Variants in TIAM2 observed in about 807,000 individuals in gnomAD.
TIAM2 encodes TIAM Rac1 associated GEF 2.
Under a neutral mutation model 152.9 loss-of-function variants are expected in TIAM2, and 80 were observed. The observed-to-expected ratio is 0.52, with a 90% CI of 0.44 to 0.63. The LOEUF is 0.63. Ranked by LOEUF, TIAM2 falls within the 30% of genes least tolerant of loss-of-function variation. The pLI, the probability that TIAM2 is intolerant of heterozygous loss-of-function variation, is 0.00. For missense variants in TIAM2, 1,965 were observed against 2,120.1 expected (o/e 0.93, Z 1.44); for synonymous variants, 804 against 838.0 (o/e 0.96, Z 0.70).
chr6:155,042,053 G>T (rs1339215030), intron 1 of TIAM2, among the ~76,000 whole-genome samples: 7 of 151,650 alleles, frequency 4.6e-5, no homozygotes, highest in Admixed American at 3.9e-4. Context: ...TTGAGTGTTT[G>T]TTCTTTATGG....
intron 1 of TIAM2, among the ~76,000 whole-genome samples, chr6:155,049,565 G>A (rs1295458437): frequency 8.5e-5 from 13 of 152,068 alleles, no homozygotes; most frequent in Admixed American, 8.5e-4. Flanking sequence ...CTAAGTCTTG[G>A]CGTGCCTGCT....
intron 15 of TIAM2, among the ~76,000 whole-genome samples, chr6:155,216,140 G>A (rs1164278659): frequency 6.6e-6 from 1 of 152,148 alleles, no homozygotes; most frequent in East Asian, 1.9e-4. Flanking sequence ...GATGTGGGAG[G>A]TGTCTGGTGA....
intron 19 of TIAM2, 24 bp downstream of exon 19, chr6:155,245,755 GTTTTTT>G: frequency 2.0e-6 from 2 of 1,022,126 alleles, no homozygotes; most frequent in South Asian, 3.4e-5. Flanking sequence ...GCCTTTTATA[GTTTTTT>G]TTTTTTTTTG....
At chr6:155,233,276 T>A (rs1782572493) in intron 15 of TIAM2, among the ~76,000 whole-genome samples, 1 of 152,170 alleles carries the variant, frequency 6.6e-6, no homozygotes, top group South Asian at 2.1e-4. Context: ...AAAGAGAATA[T>A]CAAAGTTGTT....
chr6:155,025,108 C>T (rs1481787256), intron 1 of TIAM2, among the ~76,000 whole-genome samples: 2 of 151,696 alleles, frequency 1.3e-5, no homozygotes, highest in Non-Finnish European at 2.9e-5. Flanking sequence ...CTCACTGCAA[C>T]CTCTGCCTCC....
rs371974044 is a variant in TIAM2, at chr6:155,186,868, G to A, written c.3064+3368G>A. On this transcript the variant is annotated intron_variant, in intron 14 of 26. Transcript: ENST00000682666. The surrounding 1 kb of genome is among the most constrained non-coding windows in gnomAD (Gnocchi z 4.5). Reference sequence around the variant, plus strand: ...CTTAGCAGTGGCCGGCCATTTGAGAGCCTGCCTTTCCCTAAATTTCACTTT... The same window carrying A: ...CTTAGCAGTGGCCGGCCATTTGAGAACCTGCCTTTCCCTAAATTTCACTTT... Among the ~76,000 whole-genome samples the A allele has an allele frequency of 2.4e-4, 36 of 152,252 alleles. 1 individual carries two copies. Among genetic ancestry groups the A allele is most frequent in the Middle Eastern group, 3.4e-3 (1 of 294 alleles).
rs1484332914 is a variant in TIAM2 at position 154,995,928 on chromosome 6, C to G, written c.-209+436C>G. Among the ~76,000 whole-genome samples the G allele has an allele frequency of 6.6e-6, 1 of 152,202 alleles. No homozygotes were observed. The highest frequency in any genetic ancestry group is 1.5e-5 in the Non-Finnish European group (1 of 68,026). On this transcript the variant is annotated intron_variant, in intron 1 of 26. Coordinates refer to ENST00000682666, the MANE Select transcript of TIAM2 (RefSeq NM_012454.4). The surrounding 1 kb of genome is among the most constrained non-coding windows in gnomAD (Gnocchi z 5.2). Reference sequence around the variant, plus strand: ...AGCGCCCGCTGCGCCCACGCCCGCCCGGCGACCTCGGAGCCTCAGAAAGGC... The same window carrying G: ...AGCGCCCGCTGCGCCCACGCCCGCCGGGCGACCTCGGAGCCTCAGAAAGGC...
rs1164422319 is a variant in TIAM2, at chr6:155,046,331, CTTTT to C, written c.-208-43938_-208-43935del. ...AGAGGAAGGGCACTCTTGGCTCTGT[CTTTT>C]TTTTTTTTTTTTTTTTTTTGAGATG... On this transcript the variant is annotated intron_variant, in intron 1 of 26. Transcript: ENST00000682666. Among the ~76,000 whole-genome samples, 561 of 80,782 alleles carry C rather than the reference CTTTT, an allele frequency of 6.9e-3. 3 individuals are homozygous for C. The highest frequency in any genetic ancestry group is 0.026 in the African/African-American group (501 of 19,358). 53.0% of individuals were successfully genotyped at this position (80,782 alleles called of 152,430 possible). A position where few individuals can be genotyped will look rare whatever the true frequency, so the allele number is the denominator to read the frequency against.
At chr6:155,108,224 C>A (rs544484172) in intron 2 of TIAM2, among the ~76,000 whole-genome samples, 53 of 152,288 alleles carry the variant, frequency 3.5e-4, no homozygotes, top group African/African-American at 1.3e-3. Context: ...TCATCTCCAT[C>A]GGTGTATTGG....
rs367620383 is a variant in TIAM2, at chr6:155,069,594, C to A, written c.-208-20695C>A. Among the ~76,000 whole-genome samples the A allele has an allele frequency of 1.1e-4, 16 of 149,528 alleles. No homozygotes were observed. The East Asian group carries it at 2.2e-3, about 20-fold the overall frequency. ...GGTGGGCACCCAAATAAGAAGTAGA[C>A]ATAAGGAATTATACTGTAAAATAAT... On this transcript the variant is annotated intron_variant, in intron 1 of 26. Transcript: ENST00000682666.
intron 2 of TIAM2, among the ~76,000 whole-genome samples, chr6:155,102,478 C>T (rs1394906165): frequency 6.6e-6 from 1 of 152,154 alleles, no homozygotes; most frequent in Non-Finnish European, 1.5e-5. Flanking sequence ...GTTTTGAAGC[C>T]TGAGATGTTT....
chr6:155,137,078 A>C, intron 4 of TIAM2, 99 bp from the exon 5 acceptor site: 2 of 1,279,006 alleles, frequency 1.6e-6, no homozygotes, highest in African/African-American at 1.5e-5. Context: ...TTTGCATTAC[A>C]TTATCAGCAG....
chr6:155,078,957 A>T (rs1179604282), intron 1 of TIAM2, among the ~76,000 whole-genome samples: 1 of 151,166 alleles, frequency 6.6e-6, no homozygotes, highest in African/African-American at 2.4e-5. Context: ...CCTGTTTCAG[A>T]TACATTTAAT....
intron 14 of TIAM2, among the ~76,000 whole-genome samples, chr6:155,189,349 C>CTTTTTT (rs369463138): frequency 6.9e-6 from 1 of 145,014 alleles, no homozygotes; most frequent in Non-Finnish European, 1.5e-5. Flanking sequence ...ATGAGTGGTA[C>CTTTTTT]TTTTTTTTTT....
chr6:155,252,752 T>C (rs2115358014), intron 23 of TIAM2, among the ~76,000 whole-genome samples, 196 bp from the exon 24 acceptor site: 1 of 152,374 alleles, frequency 6.6e-6, no homozygotes, highest in Non-Finnish European at 1.5e-5. Flanking sequence ...ACCACAACTC[T>C]GCCTCCGCAC....
chr6:155,185,283 C>T (rs1230307217), intron 14 of TIAM2, among the ~76,000 whole-genome samples: 3 of 151,634 alleles, frequency 2.0e-5, no homozygotes, highest in Middle Eastern at 6.3e-3. Context: ...CATGCCACCA[C>T]GCCTGGCTAA....
intron 20 of TIAM2, 60 bp from the exon 21 acceptor site, chr6:155,249,791 G>GT: frequency 7.0e-7 from 1 of 1,422,262 alleles, no homozygotes; most frequent in Non-Finnish European, 9.7e-7. Flanking sequence ...CATTATTACT[G>GT]TTGGATAGAA....
chr6:155,230,103 G>A (rs947981685), intron 15 of TIAM2, among the ~76,000 whole-genome samples: 2 of 151,558 alleles, frequency 1.3e-5, no homozygotes, highest in Admixed American at 1.3e-4. Flanking sequence ...CCACCACATA[G>A]CCCATCATGC....
At chr6:155,137,052 G>C (rs1779571325) in intron 4 of TIAM2, 125 bp from the exon 5 acceptor site, 1 of 1,027,560 alleles carries the variant, frequency 9.7e-7, no homozygotes, top group South Asian at 1.8e-5. Context: ...ATGTATTTTT[G>C]TTACAAGAAT....
Sources: gnomAD v4.1 joint callset for allele counts (sites outside exome capture counted in the v4.1 genomes callset) on GRCh38, gnomAD v4.1.1 for gene constraint, Gnocchi (gnomAD v3.1) non-coding constraint, MANE v1.5 for transcripts, NCBI Gene and HGNC (gene_info 2026-07-23, HGNC 2026-07-21) for gene names.